The following TEAD1 variants were observed in gnomAD, a reference collection of about 807,000 sequenced individuals.
TEAD1 encodes the protein transcriptional enhancer factor TEF-1.
Under a neutral mutation model 54.9 loss-of-function variants are expected in TEAD1, and 9 were observed. The observed-to-expected ratio is 0.16, with a 90% confidence interval of 0.10 to 0.29. The LOEUF is 0.29. TEAD1 is among the 10% of genes least tolerant of loss of function. The pLI is 1.00. For synonymous variants in TEAD1, 200 were observed against 187.8 expected, an observed-to-expected ratio of 1.07 and a Z score of -0.53; for missense variants, 387 against 535.9, an observed-to-expected ratio of 0.72 and a Z score of 2.74.
intron 2 of TEAD1, among the ~76,000 whole-genome samples, chr11:12,723,409 A>ATT (rs952711797): frequency 7.3e-5 from 11 of 151,720 alleles, no homozygotes; most frequent in African/African-American, 2.7e-4. Flanking sequence ...AGACTCTTGA[A>ATT]TTTTACAGCG....
chr11:12,917,429 G>A (rs926711118), intron 10 of TEAD1, among the ~76,000 whole-genome samples: 4 of 152,188 alleles, frequency 2.6e-5, no homozygotes, highest in Admixed American at 1.3e-4. Context: ...TAATTAGTTT[G>A]TCTTGTTTTA....
At chr11:12,704,597 T>C (rs148262766) in intron 2 of TEAD1, among the ~76,000 whole-genome samples, 2 of 152,370 alleles carry the variant, frequency 1.3e-5, no homozygotes, top group East Asian at 1.9e-4. Context: ...TTTATTCCCT[T>C]AGTCCTCCAT....
intron 2 of TEAD1, among the ~76,000 whole-genome samples, chr11:12,677,498 A>G (rs1261394429): frequency 6.6e-6 from 1 of 152,194 alleles, no homozygotes; most frequent in African/African-American, 2.4e-5. Context: ...AGAAAAAGGA[A>G]CAAATAAGTC....
At chr11:12,675,267 C>G (rs942681440) in intron 1 of TEAD1, 142 bp from the exon 2 acceptor site, 8 of 152,090 alleles carry the variant, frequency 5.3e-5, no homozygotes, top group Non-Finnish European at 1.2e-4. Context: ...CGGCCTGCAC[C>G]CCCCTGCTTT....
At chr11:12,730,172 C>T (rs73421996) in intron 2 of TEAD1, among the ~76,000 whole-genome samples, 2,282 of 152,252 alleles carry the variant, frequency 0.015, 60 homozygotes, top group African/African-American at 0.053. Context: ...ACGTACCAGT[C>T]GCTGTTCAGG....
chr11:12,761,895 G>T (rs181223928), intron 2 of TEAD1, among the ~76,000 whole-genome samples: 76 of 152,272 alleles, frequency 5.0e-4, no homozygotes, highest in Non-Finnish European at 8.8e-4. Context: ...GGTGTTCAAG[G>T]GTAGACTGTG....
intron 2 of TEAD1, among the ~76,000 whole-genome samples, chr11:12,705,877 A>G (rs1291802850): frequency 1.3e-5 from 2 of 152,330 alleles, no homozygotes; most frequent in South Asian, 2.1e-4. Flanking sequence ...ATGAGGTGAT[A>G]AATTACTGTT....
chr11:12,867,818 C>A (rs931014113), intron 5 of TEAD1, among the ~76,000 whole-genome samples: 3 of 152,088 alleles, frequency 2.0e-5, no homozygotes, highest in African/African-American at 7.2e-5. Context: ...ACAAGGATAG[C>A]TTCTGGGTGG....
In TEAD1 at chr11:12,907,045, ACT is replaced by A. The variant is rs200621023; in HGVS notation, c.873+4935_873+4936del. ...AGTGGAATTGCTGGGTCCTACGGTA[ACT>A]CTATGTTTAACATTTTAAGATACTG... On this transcript the variant is annotated intron_variant, in intron 10 of 12. Coordinates refer to ENST00000527636, the MANE Select transcript of TEAD1 (RefSeq NM_021961.6). Among the ~76,000 whole-genome samples the A allele has an allele frequency of 2.4e-4, 37 of 152,166 alleles. 1 individual carries two copies. The East Asian group carries it at 6.4e-3, about 26-fold the overall frequency.
intron 2 of TEAD1, among the ~76,000 whole-genome samples, chr11:12,685,066 T>G (rs1943305251): frequency 6.6e-6 from 1 of 152,208 alleles, no homozygotes; most frequent in African/African-American, 2.4e-5. Context: ...TCAATGTCCC[T>G]GTGTTTTTAG....
At chr11:12,800,571 A>G (rs1946035115) in intron 3 of TEAD1, among the ~76,000 whole-genome samples, 1 of 152,196 alleles carries the variant, frequency 6.6e-6, no homozygotes, top group Non-Finnish European at 1.5e-5. Context: ...GAATTCTACT[A>G]AGGTGCTGAT....
intron 3 of TEAD1, among the ~76,000 whole-genome samples, chr11:12,839,409 TCAAAA>T (rs767785516): frequency 2.0e-5 from 3 of 151,830 alleles, no homozygotes; most frequent in Admixed American, 6.6e-5. Flanking sequence ...AGATTCTGTC[TCAAAA>T]CAAAACAAAC....
chr11:12,766,273 G>A (rs770343780), intron 3 of TEAD1, among the ~76,000 whole-genome samples: 12 of 152,198 alleles, frequency 7.9e-5, no homozygotes, highest in Non-Finnish European at 1.6e-4. Flanking sequence ...TCTCCATTGA[G>A]ATTTTAGTTT....
chr11:12,676,419 T>A (rs1431770300), intron 2 of TEAD1, among the ~76,000 whole-genome samples: 1 of 152,208 alleles, frequency 6.6e-6, no homozygotes, highest in Admixed American at 6.5e-5. Flanking sequence ...TTGCTGGTCT[T>A]CTACGGATAG....
chr11:12,875,440 C>T (rs376416489), intron 5 of TEAD1, among the ~76,000 whole-genome samples: 8 of 152,248 alleles, frequency 5.3e-5, no homozygotes, highest in South Asian at 2.1e-4. Flanking sequence ...TTCAAATTCC[C>T]GTTTCAGGAT....
chr11:12,870,472 A>T (rs541145857), intron 5 of TEAD1, among the ~76,000 whole-genome samples: 1 of 152,082 alleles, frequency 6.6e-6, no homozygotes, highest in African/African-American at 2.4e-5. Context: ...TAAGATGGAA[A>T]AAAGAAAAAA....
intron 5 of TEAD1, among the ~76,000 whole-genome samples, chr11:12,877,932 G>C (rs1947887038): frequency 6.6e-6 from 1 of 151,812 alleles, no homozygotes. Flanking sequence ...TGAGTAGCTG[G>C]AACCACAGAA....
At chr11:12,780,614 G>A (rs1945522586) in intron 3 of TEAD1, among the ~76,000 whole-genome samples, 1 of 152,086 alleles carries the variant, frequency 6.6e-6, no homozygotes, top group Non-Finnish European at 1.5e-5. Flanking sequence ...TCATCATAGT[G>A]TGAAAAAGAA....
At chr11:12,748,440 G>A (rs1944795958) in intron 2 of TEAD1, among the ~76,000 whole-genome samples, 1 of 152,182 alleles carries the variant, frequency 6.6e-6, no homozygotes, top group Admixed American at 6.5e-5. Flanking sequence ...GTTCTGGATG[G>A]GTGGCTGGAG....
Sources: gnomAD v4.1 joint callset for allele counts (sites outside exome capture counted in the v4.1 genomes callset) on GRCh38, gnomAD v4.1.1 for gene constraint, MANE v1.5 for transcripts, NCBI Gene and HGNC (gene_info 2026-07-23, HGNC 2026-07-21) for gene names.